Variants in ADAMTSL1 observed in about 807,000 individuals in gnomAD.
The protein encoded by ADAMTSL1 is ADAMTS-like protein 1.
In ADAMTSL1, 126 loss-of-function variants were observed where a neutral mutation model predicts 201.8. That is an observed-to-expected ratio of 0.62 (90% CI 0.54 to 0.72). ADAMTSL1 has a LOEUF of 0.72. Ranked by LOEUF, ADAMTSL1 falls within the 30% of genes least tolerant of loss-of-function variation. ADAMTSL1 has a pLI of 0.00. For missense variants in ADAMTSL1, 2,679 were observed against 2,277.8 expected, an observed-to-expected ratio of 1.18 and a Z score of -3.59; for synonymous variants, 1,121 against 903.4, an observed-to-expected ratio of 1.24 and a Z score of -4.32.
chr9:18,850,991 T>C (rs1826458371), intron 23 of ADAMTSL1, among the ~76,000 whole-genome samples: 1 of 152,178 alleles, frequency 6.6e-6, no homozygotes, highest in African/African-American at 2.4e-5. Flanking sequence ...TGCTAATAAT[T>C]GCTAATTTTT....
chr9:18,304,808 G>T (rs796593801), intron 2 of ADAMTSL1, among the ~76,000 whole-genome samples: 3 of 151,804 alleles, frequency 2.0e-5, no homozygotes, highest in Admixed American at 2.0e-4. Context: ...CTTTCTCATG[G>T]GTCTAAATTA....
At chr9:18,137,022 T>A (rs1165463853) in intron 1 of ADAMTSL1, among the ~76,000 whole-genome samples, 1 of 151,810 alleles carries the variant, frequency 6.6e-6, no homozygotes, top group Non-Finnish European at 1.5e-5. Context: ...GGGAAAGAGT[T>A]GAAGCAAGAC....
At chr9:18,801,211 C>T (rs1030135805) in intron 20 of ADAMTSL1, among the ~76,000 whole-genome samples, 1 of 152,164 alleles carries the variant, frequency 6.6e-6, no homozygotes, top group Non-Finnish European at 1.5e-5. Flanking sequence ...TTAGTAGTCA[C>T]AATGTTGACC....
chr9:18,393,583 T>G (rs1413163711), intron 2 of ADAMTSL1, among the ~76,000 whole-genome samples: 2 of 152,228 alleles, frequency 1.3e-5, no homozygotes, highest in Non-Finnish European at 2.9e-5. Flanking sequence ...TCATTGAGGT[T>G]GGCTCCCAAC....
intron 9 of ADAMTSL1, among the ~76,000 whole-genome samples, chr9:18,673,947 T>G (rs1300805446): frequency 6.6e-6 from 1 of 152,088 alleles, no homozygotes; most frequent in African/African-American, 2.4e-5. Flanking sequence ...AAATTCCCTT[T>G]ATTACTAGAT....
At chr9:18,657,461 G>A (rs1197284828) in intron 7 of ADAMTSL1, among the ~76,000 whole-genome samples, 178 bp from the exon 8 acceptor site, 1 of 152,172 alleles carries the variant, frequency 6.6e-6, no homozygotes, top group Non-Finnish European at 1.5e-5. Flanking sequence ...CTTATGCAAG[G>A]ACCATTCACT....
Position 18,030,573 on chromosome 9 carries a change from T to A in ADAMTSL1, c.87+123651T>A, listed in dbSNP as rs909735543. On this transcript the variant is annotated intron_variant, in intron 1 of 29. Coordinates refer to the ADAMTSL1 transcript ENST00000680146. ...TAATATTAATAAAAAGAAAAAAAAA[T>A]ATTTTTCTTTTGTGTTGACCTTGAA... 2.7e-4 allele frequency among the ~76,000 whole-genome samples: 41 copies of A among 151,648 alleles called. No individual in the cohort carries two copies. In the East Asian group the frequency reaches 6.0e-3, roughly 22 times the overall value.
chr9:17,935,795 A>T (rs1826982336), intron 1 of ADAMTSL1, among the ~76,000 whole-genome samples: 1 of 152,184 alleles, frequency 6.6e-6, no homozygotes, highest in Non-Finnish European at 1.5e-5. Context: ...AGTGCTTTAC[A>T]CTGGTCTCAA....
intron 1 of ADAMTSL1, among the ~76,000 whole-genome samples, chr9:18,023,632 G>T (rs1820571771): frequency 6.6e-6 from 1 of 152,126 alleles, no homozygotes; most frequent in Non-Finnish European, 1.5e-5. Flanking sequence ...GGGTGCGAAT[G>T]GAGTAATATT....
chr9:18,807,494 A>C (rs1823218861), intron 20 of ADAMTSL1, among the ~76,000 whole-genome samples: 1 of 151,758 alleles, frequency 6.6e-6, no homozygotes, highest in Non-Finnish European at 1.5e-5. Context: ...AAATACAAAA[A>C]ATTAGCCGGG....
intron 8 of ADAMTSL1, among the ~76,000 whole-genome samples, chr9:18,661,299 A>G (rs1829075810): frequency 6.6e-6 from 1 of 152,212 alleles, no homozygotes; most frequent in African/African-American, 2.4e-5. Context: ...TGAATATAAC[A>G]AAAATGGAAC....
chr9:18,510,794 T>G (rs368754482), intron 2 of ADAMTSL1, among the ~76,000 whole-genome samples: 1 of 152,134 alleles, frequency 6.6e-6, no homozygotes, highest in East Asian at 1.9e-4. Context: ...TACTGGTGCT[T>G]GATGATGGAC....
chr9:18,782,192 C>A (rs1485247421), intron 19 of ADAMTSL1, among the ~76,000 whole-genome samples: 1 of 152,134 alleles, frequency 6.6e-6, no homozygotes. Flanking sequence ...ATTCAAAGTC[C>A]AGTTTGGGAG....
chr9:18,236,305 A>G (rs1476337933), intron 2 of ADAMTSL1, among the ~76,000 whole-genome samples: 1 of 151,922 alleles, frequency 6.6e-6, no homozygotes, highest in African/African-American at 2.4e-5. Context: ...TGAATGCCTG[A>G]CCCCGTGAAC....
chr9:17,944,144 T>C (rs1827356309), intron 1 of ADAMTSL1, among the ~76,000 whole-genome samples: 1 of 151,644 alleles, frequency 6.6e-6, no homozygotes. Flanking sequence ...CAGTATCCTT[T>C]AGAAAATCAT....
chr9:18,014,997 T>C (rs755724128), intron 1 of ADAMTSL1, among the ~76,000 whole-genome samples: 14 of 152,100 alleles, frequency 9.2e-5, no homozygotes, highest in Non-Finnish European at 1.8e-4. Context: ...CTGTAGGTGG[T>C]AATATAAATA....
chr9:18,803,001 T>C (rs1304891262), intron 20 of ADAMTSL1, among the ~76,000 whole-genome samples: 1 of 152,232 alleles, frequency 6.6e-6, no homozygotes, highest in Non-Finnish European at 1.5e-5. Context: ...TTACGTGTCT[T>C]CTTTGTTGTG....
At chr9:18,809,808 A>C (rs1158664685) in intron 20 of ADAMTSL1, among the ~76,000 whole-genome samples, 3 of 152,168 alleles carry the variant, frequency 2.0e-5, no homozygotes, top group Admixed American at 2.0e-4. Flanking sequence ...AAAAAAGAAA[A>C]GAAAAAGAGC....
intron 1 of ADAMTSL1, among the ~76,000 whole-genome samples, chr9:17,908,614 G>A (rs200866230): frequency 1.3e-5 from 2 of 151,950 alleles, no homozygotes; most frequent in East Asian, 3.9e-4. Context: ...TTGCCACGAC[G>A]CCTGGCTAAT....
Sources: gnomAD v4.1 joint callset for allele counts (sites outside exome capture counted in the v4.1 genomes callset) on GRCh38, gnomAD v4.1.1 for gene constraint, MANE v1.5 for transcripts, NCBI Gene and HGNC (gene_info 2026-07-23, HGNC 2026-07-21) for gene names.